CCDC93: variants seen among roughly 807,000 people sequenced by gnomAD.
CCDC93 encodes the protein CCC complex scaffolding subunit CCDC93.
CCDC93 carries 61 observed loss-of-function variants against 108.2 expected under a neutral mutation model. That is an observed-to-expected ratio of 0.56 (90% confidence interval 0.46 to 0.70). The LOEUF (loss-of-function observed/expected upper bound fraction) is 0.70, where lower values mean the gene tolerates loss of function less well. Ranked by LOEUF, CCDC93 falls within the 30% of genes least tolerant of loss-of-function variation. The pLI is 0.00. For missense variants in CCDC93, 685 were observed against 764.2 expected, an observed-to-expected ratio of 0.90 and a Z score of 1.22; for synonymous variants, 276 against 260.4, an observed-to-expected ratio of 1.06 and a Z score of -0.58.
Position 117,949,384 on chromosome 2 carries a change from G to GT in CCDC93, c.1079dup (p.Tyr360Ter). 6.2e-7 allele frequency: 1 copy of GT among 1,612,634 alleles called. No individual in the cohort carries two copies. The highest frequency in any genetic ancestry group is 8.5e-7 in the Non-Finnish European group (1 of 1,178,654). Residue 360 changes from tyrosine to a stop codon, truncating the protein, a stop_gained and frameshift_variant, in exon 14 of 24, where the codon TAC becomes TAAC. Transcript: ENST00000376300. LOFTEE classifies it high-confidence loss of function. ...AKKTLTELKT[Y>*]SEKLDKEQAA... is the part of the protein sequence containing the mutation. ...CTTGCTCTTTGTCCAGTTTCTCACT[G>GT]TAAGTCTTCAGCTGCAAGAGAGAAT...
Position 117,945,592 on chromosome 2 carries a change from T to A in CCDC93, c.1297-10A>T. On this transcript the variant is annotated splice_polypyrimidine_tract_variant and intron_variant, in intron 16 of 23. Transcript: ENST00000376300. ...CTCCACTGGAGAGGGTCTGAAACAA[T>A]GAAAACATAATAAACACCTCTCCTG... 1 of 1,612,456 alleles carries A rather than the reference T, an allele frequency of 6.2e-7. No individual in the cohort carries two copies. The highest frequency in any genetic ancestry group is 1.1e-5 in the South Asian group (1 of 91,044).
chr2:117,940,555 T>C (rs1365280639), intron 19 of CCDC93, among the ~76,000 whole-genome samples: 1 of 151,868 alleles, frequency 6.6e-6, no homozygotes, highest in East Asian at 1.9e-4. Context: ...GCCTGAGGAG[T>C]TCCTGAAGAT....
rs889041396 is a variant in CCDC93, at chr2:117,920,314, C to A, written c.*29G>T. On this transcript the variant is annotated 3_prime_UTR_variant, in exon 24 of 24. Transcript: ENST00000376300. ...GATATACGGTGCTTAAAAGTAAAAT[C>A]AATGACATACAGCCACGGCTGGGGA... The A allele has an allele frequency of 1.3e-6, 2 of 1,571,088 alleles. No homozygotes were observed. Among genetic ancestry groups the A allele is most frequent in the Admixed American group, 1.7e-5 (1 of 59,258 alleles).
chr2:117,915,732 T>G lies in CCDC93; in HGVS notation c.*4611A>C, dbSNP rs934096325. 1 of 152,202 alleles carries G rather than the reference T, an allele frequency of 6.6e-6. No homozygotes were observed. The highest frequency in any genetic ancestry group is 2.1e-4 in the South Asian group (1 of 4,834). The allele number at this position is 152,202 out of a possible 1,614,324, so 9.4% of individuals were successfully genotyped here. A position where few individuals can be genotyped will look rare whatever the true frequency, so the allele number is the denominator to read the frequency against. On this transcript the variant is annotated 3_prime_UTR_variant, in exon 24 of 24. Transcript: ENST00000376300. ...TCCTCCCAGAGACATCCTAGGCATA[T>G]GCAGGTGGACATATGATATACACGT...
At chr2:117,960,178 A>G (rs1558783705) in intron 11 of CCDC93, among the ~76,000 whole-genome samples, 2 of 152,214 alleles carry the variant, frequency 1.3e-5, no homozygotes, top group African/African-American at 4.8e-5. Context: ...TTCTCAGAGC[A>G]TTGTGCTTTA....
chr2:117,974,985 G>A (rs1679887402), intron 9 of CCDC93, 85 bp from the exon 10 acceptor site: 2 of 1,212,086 alleles, frequency 1.7e-6, no homozygotes, highest in South Asian at 2.5e-5. Flanking sequence ...TCTTTGCGGT[G>A]ATATCCAAGG....
chr2:117,943,109 G>GC (rs1678757699), intron 18 of CCDC93, among the ~76,000 whole-genome samples: 1 of 152,098 alleles, frequency 6.6e-6, no homozygotes, highest in Non-Finnish European at 1.5e-5. Flanking sequence ...TCAGGCCCTT[G>GC]CCCTCAGCAA....
At chr2:117,979,448 T>A (rs1014941218) in intron 7 of CCDC93, among the ~76,000 whole-genome samples, 5 of 152,222 alleles carry the variant, frequency 3.3e-5, no homozygotes, top group African/African-American at 1.2e-4. Context: ...TCCCTGCATC[T>A]GTTCATGCTC....
rs1239152661 is a variant in CCDC93, at chr2:117,924,660, A to G, written c.1843-4264T>C. On this transcript the variant is annotated intron_variant, in intron 23 of 23. Transcript: ENST00000376300. ...GACCAAATCTACATCTGATTGGTGTACCTGAAAGTGATGGGGAGAATGGAA... is the reference window on the plus strand; with the variant it reads ...GACCAAATCTACATCTGATTGGTGTGCCTGAAAGTGATGGGGAGAATGGAA... Among the ~76,000 whole-genome samples, 3 of 152,372 alleles carry G rather than the reference A, an allele frequency of 2.0e-5. No homozygotes were observed. The East Asian group carries it at 5.8e-4, about 29-fold the overall frequency.
chr2:117,985,322 G>T, intron 7 of CCDC93: 1 of 248,442 alleles, frequency 4.0e-6, no homozygotes, highest in Non-Finnish European at 6.4e-6. Context: ...CAAGGGTTGG[G>T]CTGTGAGGCA....
intron 11 of CCDC93, among the ~76,000 whole-genome samples, chr2:117,973,567 T>C (rs58747818): frequency 5.1e-4 from 78 of 152,214 alleles, no homozygotes; most frequent in African/African-American, 1.7e-3. Context: ...CCTAGCCCAA[T>C]CATCAAACTG....
chr2:117,939,183 T>C (rs1558773120), intron 19 of CCDC93, 72 bp from the exon 20 acceptor site: 4 of 884,482 alleles, frequency 4.5e-6, no homozygotes, highest in South Asian at 1.4e-5. Context: ...CTCTCCTCCA[T>C]GAATGCACTG....
intron 6 of CCDC93, among the ~76,000 whole-genome samples, chr2:117,992,096 G>A (rs1680491477): frequency 6.6e-6 from 1 of 152,250 alleles, no homozygotes; most frequent in East Asian, 1.9e-4. Flanking sequence ...AAACCCAAAG[G>A]CAACCTTTAG....
chr2:117,996,148 C>A, intron 5 of CCDC93, 116 bp downstream of exon 5: 1 of 597,588 alleles, frequency 1.7e-6, no homozygotes, highest in Non-Finnish European at 2.9e-6. Context: ...ACTAATGATG[C>A]CAAGTGGGGC....
At chr2:117,961,111 T>G (rs561647734) in intron 11 of CCDC93, among the ~76,000 whole-genome samples, 4,076 of 152,070 alleles carry the variant, frequency 0.027, 73 homozygotes, top group Non-Finnish European at 0.044. Context: ...GGACAGTCAA[T>G]GGGGTGGGCT....
Position 117,949,350 on chromosome 2 carries a change from C to T in CCDC93, c.1114G>A (p.Glu372Lys), listed in dbSNP as rs756165776. 8 of 1,613,820 alleles carry T rather than the reference C, an allele frequency of 5.0e-6. No individual in the cohort carries two copies. Among genetic ancestry groups the T allele is most frequent in the Admixed American group, 3.3e-5 (2 of 60,024 alleles). ...EKLDKEQAAL[E>K]KIESKADPSI... ...GGATCAGCTTTGGATTCTATCTTCT[C>T]GAGGGCTGCTTGCTCTTTGTCCAGT... The change falls in exon 14 of 24, where the codon GAG (glutamate) becomes AAG (lysine). Residue 372 changes from glutamate (E) to lysine (K), a missense_variant. Transcript: ENST00000376300.
intron 5 of CCDC93, 53 bp from the exon 6 acceptor site, chr2:117,995,555 A>C (rs1350615426): frequency 1.6e-4 from 204 of 1,293,680 alleles, no homozygotes; most frequent in Non-Finnish European, 2.0e-4. Flanking sequence ...ATTAAAACTC[A>C]AGTGGACCAC....
Position 117,940,998 on chromosome 2 carries a change from C to T in CCDC93, c.1522+191G>A, listed in dbSNP as rs186272873. Among the ~76,000 whole-genome samples the T allele has an allele frequency of 9.5e-4, 145 of 152,226 alleles. 2 individuals are homozygous for T. The highest frequency in any genetic ancestry group is 1.9e-4 in the Non-Finnish European group (13 of 68,012). Reference sequence around the variant, plus strand: ...CTCAACTGGTTCAACTATCTGTCCACGGAGAGGGCAGTGAGAGCACCACAG... The same window carrying T: ...CTCAACTGGTTCAACTATCTGTCCATGGAGAGGGCAGTGAGAGCACCACAG... On this transcript the variant is annotated intron_variant, in intron 19 of 23. Coordinates refer to ENST00000376300, the MANE Select transcript of CCDC93 (RefSeq NM_019044.5).
At chr2:117,969,720 C>T (rs79874371) in intron 11 of CCDC93, among the ~76,000 whole-genome samples, 2 of 148,836 alleles carry the variant, frequency 1.3e-5, no homozygotes, top group African/African-American at 4.9e-5. Flanking sequence ...CGAACATGGA[C>T]GAAAACATAA....
Sources: gnomAD v4.1 joint callset for allele counts (sites outside exome capture counted in the v4.1 genomes callset) on GRCh38, gnomAD v4.1.1 for gene constraint, MANE v1.5 for transcripts, NCBI Gene and HGNC (gene_info 2026-07-23, HGNC 2026-07-21) for gene names.